The following MCMBP variants were observed in gnomAD, a reference collection of about 807,000 sequenced individuals.
MCMBP encodes the protein minichromosome maintenance complex binding protein.
MCMBP carries 31 observed loss-of-function variants against 81.3 expected under a neutral mutation model. That is an observed-to-expected ratio of 0.38 (90% CI 0.29 to 0.51). The LOEUF (loss-of-function observed/expected upper bound fraction) is 0.51. Ranked by LOEUF, MCMBP falls within the 20% of genes least tolerant of loss-of-function variation. MCMBP has a pLI of 0.87. For missense variants in MCMBP, 645 were observed against 772.1 expected, an observed-to-expected ratio of 0.84 and a Z score of 1.95; for synonymous variants, 267 against 275.9, an observed-to-expected ratio of 0.97 and a Z score of 0.32.
chr10:119,857,478 T>TA, intron 4 of MCMBP, 39 bp from the exon 5 acceptor site: 1 of 1,393,232 alleles, frequency 7.2e-7, no homozygotes, highest in Non-Finnish European at 9.9e-7. Context: ...AAATTTACTT[T>TA]AAAAAACCCA....
chr10:119,834,504 A>T (rs1373635536), intron 14 of MCMBP, among the ~76,000 whole-genome samples: 1 of 152,152 alleles, frequency 6.6e-6, no homozygotes, highest in Non-Finnish European at 1.5e-5. Flanking sequence ...AGAAATTAAG[A>T]CATTCCCAGA....
chr10:119,854,965 A>T (rs928887087), intron 5 of MCMBP, among the ~76,000 whole-genome samples: 7 of 151,688 alleles, frequency 4.6e-5, no homozygotes, highest in African/African-American at 1.7e-4. Context: ...AAAAAAAAAA[A>T]AAAAAAATAA....
rs1852011724 is a variant in MCMBP, at chr10:119,830,978, C to T, written c.*496G>A. Reference sequence around the variant, plus strand: ...ATGACAGTACAGAATTTCATGTAGTCATGTGAATCAATGGCAAGTACGCCT... The same window carrying T: ...ATGACAGTACAGAATTTCATGTAGTTATGTGAATCAATGGCAAGTACGCCT... On this transcript the variant is annotated 3_prime_UTR_variant, in exon 16 of 16. Transcript: ENST00000369077. The T allele has an allele frequency of 6.6e-6, 1 of 152,294 alleles. No homozygotes were observed. The allele number at this position is 152,294 out of a possible 1,614,324, so 9.4% of individuals were successfully genotyped here.
At chr10:119,832,921 T>C (rs1852097849) in intron 14 of MCMBP, among the ~76,000 whole-genome samples, 1 of 152,144 alleles carries the variant, frequency 6.6e-6, no homozygotes, top group Non-Finnish European at 1.5e-5. Context: ...TCTGAAAACC[T>C]TAAGTATGTA....
At chr10:119,873,436 G>A (rs1297072527), upstream of MCMBP, 1 of 152,160 alleles carries the variant, frequency 6.6e-6, no homozygotes, top group Non-Finnish European at 1.5e-5. Context: ...CTTACCGAGG[G>A]GCGGGCGCTC....
intron 1 of MCMBP, among the ~76,000 whole-genome samples, chr10:119,864,035 A>C (rs1052127859): frequency 1.3e-5 from 2 of 152,162 alleles, no homozygotes; most frequent in Non-Finnish European, 2.9e-5. Flanking sequence ...GGTGGGTTCA[A>C]TGTAATCACA....
intron 11 of MCMBP, among the ~76,000 whole-genome samples, chr10:119,839,929 AG>A (rs1157547246): frequency 1.3e-5 from 2 of 152,254 alleles, no homozygotes; most frequent in Non-Finnish European, 2.9e-5. Flanking sequence ...GACTGAAGGC[AG>A]AAGCAGATAC....
At chr10:119,865,594 T>C (rs1853422931) in intron 1 of MCMBP, among the ~76,000 whole-genome samples, 2 of 152,172 alleles carry the variant, frequency 1.3e-5, no homozygotes, top group Non-Finnish European at 2.9e-5. Context: ...TCATATGACC[T>C]TGCAATTCCA....
chr10:119,853,268 TA>T (rs1423991973), intron 5 of MCMBP, 74 bp from the exon 6 acceptor site: 1 of 1,459,278 alleles, frequency 6.9e-7, no homozygotes, highest in Non-Finnish European at 9.3e-7. Context: ...ATATGACTTA[TA>T]AAAAATTACT....
At chr10:119,831,631 C>G (rs1432069961) in intron 15 of MCMBP, 31 bp from the exon 16 acceptor site, 2 of 1,605,402 alleles carry the variant, frequency 1.2e-6, no homozygotes, top group African/African-American at 1.3e-5. Context: ...AAATTTAAGT[C>G]TAGAGCTGGG....
rs1852501731 is a variant in MCMBP, at chr10:119,843,272, T to C, written c.982A>G (p.Lys328Glu). The C allele has an allele frequency of 6.2e-7, 1 of 1,613,642 alleles. No homozygotes were observed. Among genetic ancestry groups the C allele is most frequent in the Admixed American group, 1.7e-5 (1 of 59,990 alleles). Residue 328 changes from lysine (K) to glutamate (E), a missense_variant, in exon 9 of 16, where the codon AAA becomes GAA. Lys to Glu is a moderately conservative substitution (Grantham distance 56). Coordinates refer to ENST00000369077, the MANE Select transcript of MCMBP (RefSeq NM_001256378.2). ...CACTTACAGGTTTTGCTCTCCTCTT[T>C]GTTAAGGCAGGCAGGCAATAATGGG... ...INPLLPACLN[K>E]EESKTFVSSF...
At chr10:119,831,963 C>CATAT (rs1193794346) in intron 15 of MCMBP, 49 bp downstream of exon 15, 1 of 1,510,236 alleles carries the variant, frequency 6.6e-7, no homozygotes, top group East Asian at 2.3e-5. Flanking sequence ...ACTCAGAAGA[C>CATAT]ATATACACAA....
At chr10:119,844,618 A>T (rs1852557353) in intron 8 of MCMBP, among the ~76,000 whole-genome samples, 1 of 152,150 alleles carries the variant, frequency 6.6e-6, no homozygotes, top group Non-Finnish European at 1.5e-5. Flanking sequence ...TGAAGGATGA[A>T]AATTATTGTT....
chr10:119,835,616 G>A lies in MCMBP; in HGVS notation c.1631C>T (p.Ser544Phe). The A allele has an allele frequency of 6.2e-7, 1 of 1,614,184 alleles. No homozygotes were observed. Among genetic ancestry groups the A allele is most frequent in the Non-Finnish European group, 8.5e-7 (1 of 1,180,018 alleles). ...MNSLLSAVLP[S>F]VLNKFRIYLT... ...ATAAATGCGGAATTTGTTCAGCACG[G>A]AAGGCAGCACCGCTGAGAGAAGGCT... Residue 544 changes from serine to phenylalanine, a missense_variant, in exon 14 of 16, where the codon TCC becomes TTC. Physicochemically the swap from Ser to Phe is radical, Grantham distance 155. Coordinates refer to ENST00000369077, the MANE Select transcript of MCMBP (RefSeq NM_001256378.2).
chr10:119,863,803 T>G (rs1177949892), intron 1 of MCMBP, among the ~76,000 whole-genome samples: 1 of 141,040 alleles, frequency 7.1e-6, no homozygotes, highest in Non-Finnish European at 1.5e-5. Flanking sequence ...GAAAACATTA[T>G]GCTAAGTGAG....
intron 10 of MCMBP, among the ~76,000 whole-genome samples, chr10:119,841,921 G>T (rs1852446353): frequency 6.6e-6 from 1 of 152,166 alleles, no homozygotes; most frequent in South Asian, 2.1e-4. Flanking sequence ...TATCTCAGGG[G>T]TCCCCAACGC....
At chr10:119,842,416 C>A in intron 10 of MCMBP, 56 bp downstream of exon 10, 1 of 1,555,948 alleles carries the variant, frequency 6.4e-7, no homozygotes. Context: ...TCTTCCCGCT[C>A]TTCCACTTCC....
intron 1 of MCMBP, among the ~76,000 whole-genome samples, chr10:119,865,467 T>C (rs1163513192): frequency 6.6e-6 from 1 of 152,172 alleles, no homozygotes; most frequent in Admixed American, 6.5e-5. Flanking sequence ...TGGTGGTACC[T>C]GTAATCCCAG....
intron 1 of MCMBP, among the ~76,000 whole-genome samples, chr10:119,862,631 T>A (rs1283549888): frequency 6.6e-6 from 1 of 152,232 alleles, no homozygotes. Context: ...TTGACAACTA[T>A]AAACAAAACT....
Sources: gnomAD v4.1 joint callset for allele counts (sites outside exome capture counted in the v4.1 genomes callset) on GRCh38, gnomAD v4.1.1 for gene constraint, MANE v1.5 for transcripts, NCBI Gene and HGNC (gene_info 2026-07-23, HGNC 2026-07-21) for gene names.